Variants in SMIM14 observed in about 807,000 individuals in gnomAD.
SMIM14 encodes the protein chromosome 4 open reading frame 34.
In SMIM14, 5 loss-of-function variants were observed where a neutral mutation model predicts 12.6. The ratio of observed to expected loss-of-function variants is 0.40; its 90% CI spans 0.21 to 0.83. The LOEUF (loss-of-function observed/expected upper bound fraction) is 0.83. SMIM14 is among the 40% of genes least tolerant of loss of function. The pLI, the probability that SMIM14 is intolerant of heterozygous loss-of-function variation, is 0.37. For missense variants in SMIM14, 86 were observed against 119.1 expected (o/e 0.72, Z 1.29); for synonymous variants, 30 against 40.1 (o/e 0.75, Z 0.95).
rs752407005 is a variant in SMIM14 at position 39,556,475 on chromosome 4, T to C, written c.220A>G (p.Asn74Asp). The change falls in exon 4 of 5, where the codon AAT becomes GAT. Residue 74 changes from asparagine (N) to aspartate (D), a missense_variant. Coordinates refer to ENST00000295958, the MANE Select transcript of SMIM14 (RefSeq NM_174921.3). ...CCAGGTAGGCTGGATCCTCTTAGAT[T>C]AGGAGGTCTCAGTAAGAACAAGATC... is the stretch of plus-strand genomic sequence containing the variant. ...ALILFLLRPP[N>D]LRGSSLPGKP... 3.7e-6 allele frequency: 6 copies of C among 1,613,788 alleles called. No homozygotes were observed. The highest frequency in any genetic ancestry group is 5.1e-6 in the Non-Finnish European group (6 of 1,179,936).
At chr4:39,635,502 A>G (rs1716055048) in intron 1 of SMIM14, among the ~76,000 whole-genome samples, 1 of 152,200 alleles carries the variant, frequency 6.6e-6, no homozygotes, top group Non-Finnish European at 1.5e-5. Context: ...AGTTGCTGCA[A>G]CAGATCAGGT....
At position 39,548,799 on chromosome 4, in the gene SMIM14, G is replaced by A. The variant is rs1004933912; in HGVS notation, c.*3327C>T. 1 of 152,142 alleles carries A rather than the reference G, an allele frequency of 6.6e-6. No homozygotes were observed. Among genetic ancestry groups the A allele is most frequent in the Non-Finnish European group, 1.5e-5 (1 of 68,018 alleles). 9.4% of individuals were successfully genotyped at this position (152,142 alleles called of 1,614,324 possible). On this transcript the variant is annotated 3_prime_UTR_variant, in exon 5 of 5. Coordinates refer to ENST00000295958, the MANE Select transcript of SMIM14 (RefSeq NM_174921.3). ...GACTAAATACTTCATTAAGAACACT[G>A]GTTACTAAGTAAATAGATGGCTCAT...
chr4:39,595,661 T>G (rs1436303367), intron 2 of SMIM14, among the ~76,000 whole-genome samples: 1 of 148,384 alleles, frequency 6.7e-6, no homozygotes, highest in African/African-American at 2.5e-5. Context: ...CAGGCCAGAG[T>G]GCAGTGGCAC....
chr4:39,601,550 T>C (rs1374146969), intron 2 of SMIM14, among the ~76,000 whole-genome samples: 1 of 152,200 alleles, frequency 6.6e-6, no homozygotes, highest in African/African-American at 2.4e-5. Context: ...TACCCTCAGA[T>C]AAATTGCTTT....
chr4:39,576,657 T>TGC (rs1491486690), intron 2 of SMIM14, among the ~76,000 whole-genome samples: 1 of 5,832 alleles, frequency 1.7e-4, no homozygotes, highest in Non-Finnish European at 1.1e-3. Flanking sequence ...TGTGTGTGTA[T>TGC]GTGTATATAT....
chr4:39,630,872 A>G (rs1269546536), intron 1 of SMIM14, among the ~76,000 whole-genome samples: 1 of 151,902 alleles, frequency 6.6e-6, no homozygotes, highest in African/African-American at 2.4e-5. Context: ...CCTGTCAAAA[A>G]AAAAAAAAAA....
rs150924907 is a variant in SMIM14, at chr4:39,585,544, G to A, written c.76-13081C>T. Among the ~76,000 whole-genome samples, 473 of 152,050 alleles carry A rather than the reference G, an allele frequency of 3.1e-3. 5 individuals carry two copies. The highest frequency in any genetic ancestry group is 0.011 in the African/African-American group (445 of 41,394). ...ACTCCCGACCTCAGGTGATCTGCCCGCCTTGGCCTCCCAAAGTGCTGGGAT... is the reference window on the plus strand; with the variant it reads ...ACTCCCGACCTCAGGTGATCTGCCCACCTTGGCCTCCCAAAGTGCTGGGAT... On this transcript the variant is annotated intron_variant, in intron 2 of 4. Coordinates refer to ENST00000295958, the MANE Select transcript of SMIM14 (RefSeq NM_174921.3).
At chr4:39,563,385 T>C (rs1051139176) in intron 3 of SMIM14, among the ~76,000 whole-genome samples, 1 of 152,104 alleles carries the variant, frequency 6.6e-6, no homozygotes, top group African/African-American at 2.4e-5. Flanking sequence ...TAGCCAAGGA[T>C]TCCCTGGCCT....
At position 39,551,314 on chromosome 4, in the gene SMIM14, A is replaced by G. The variant is rs979430021; in HGVS notation, c.*812T>C. On this transcript the variant is annotated 3_prime_UTR_variant, in exon 5 of 5. Coordinates refer to ENST00000295958, the MANE Select transcript of SMIM14 (RefSeq NM_174921.3). ...AGCTTAAATTATTACTATGTGGATT[A>G]TATCAGCAAAGGCAGAAAGAATTAA... 1 of 152,678 alleles carries G rather than the reference A, an allele frequency of 6.5e-6. No homozygotes were observed. The highest frequency in any genetic ancestry group is 2.4e-5 in the African/African-American group (1 of 41,472). The allele number at this position is 152,678 out of a possible 1,614,324, so 9.5% of individuals were successfully genotyped here.
At chr4:39,598,600 C>T (rs1014897036) in intron 2 of SMIM14, among the ~76,000 whole-genome samples, 7 of 152,194 alleles carry the variant, frequency 4.6e-5, no homozygotes, top group African/African-American at 1.4e-4. Context: ...TAGTTCAGTA[C>T]TCAGTTATCA....
intron 4 of SMIM14, among the ~76,000 whole-genome samples, 199 bp from the exon 5 acceptor site, chr4:39,552,357 T>C (rs1041091522): frequency 2.0e-5 from 3 of 152,164 alleles, no homozygotes; most frequent in African/African-American, 7.2e-5. Context: ...TGTTTTTACA[T>C]GAGGGAACAC....
intron 3 of SMIM14, among the ~76,000 whole-genome samples, chr4:39,570,454 C>T (rs372675990): frequency 8.2e-4 from 125 of 152,088 alleles, no homozygotes; most frequent in African/African-American, 2.9e-3. Context: ...CCACCGTGCC[C>T]GGCAATCTAT....
chr4:39,618,368 T>G (rs989724011), intron 1 of SMIM14, among the ~76,000 whole-genome samples: 6 of 152,096 alleles, frequency 3.9e-5, no homozygotes, highest in African/African-American at 1.4e-4. Flanking sequence ...CTAATTAAAA[T>G]GGGGCTCCAG....
chr4:39,578,655 T>C (rs1334515520), intron 2 of SMIM14, among the ~76,000 whole-genome samples: 1 of 152,160 alleles, frequency 6.6e-6, no homozygotes, highest in Non-Finnish European at 1.5e-5. Context: ...TCTCCCCATC[T>C]AAACAAGGAT....
chr4:39,569,570 C>T (rs1168284008), intron 3 of SMIM14, among the ~76,000 whole-genome samples: 1 of 151,952 alleles, frequency 6.6e-6, no homozygotes, highest in African/African-American at 2.4e-5. Context: ...GCCTTTTTGA[C>T]ATAGAAATTA....
intron 3 of SMIM14, among the ~76,000 whole-genome samples, chr4:39,559,996 C>A (rs1191468660): frequency 2.0e-5 from 3 of 151,390 alleles, no homozygotes; most frequent in Non-Finnish European, 2.9e-5. Flanking sequence ...GTGGTGTGTG[C>A]CTGCGGTCCC....
intron 2 of SMIM14, among the ~76,000 whole-genome samples, chr4:39,595,631 CAG>C (rs1242963748): frequency 1.5e-5 from 2 of 133,138 alleles, no homozygotes; most frequent in Non-Finnish European, 3.1e-5. Context: ...TTTTTTGAGA[CAG>C]AGTCTCACTC....
chr4:39,608,635 G>C (rs910131657), intron 1 of SMIM14, among the ~76,000 whole-genome samples: 2 of 152,198 alleles, frequency 1.3e-5, no homozygotes, highest in African/African-American at 4.8e-5. Context: ...GACTTCTAGG[G>C]ACTTAGGGAA....
intron 2 of SMIM14, among the ~76,000 whole-genome samples, chr4:39,591,967 G>A (rs1161548636): frequency 6.6e-6 from 1 of 152,118 alleles, no homozygotes; most frequent in Non-Finnish European, 1.5e-5. Flanking sequence ...GGTGGAACAG[G>A]AGGAAGCTTG....
Sources: allele counts gnomAD v4.1 joint callset (sites outside exome capture counted in the v4.1 genomes callset), GRCh38; gene constraint gnomAD v4.1.1; transcripts MANE v1.5; gene names NCBI Gene and HGNC (gene_info 2026-07-23, HGNC 2026-07-21).